The following PPP1R12B variants were observed in gnomAD, a reference collection of about 807,000 sequenced individuals.
PPP1R12B encodes the protein myosin phosphatase target subunit 2.
PPP1R12B carries 76 observed loss-of-function variants against 126.1 expected under a neutral mutation model. The observed-to-expected ratio is 0.60, with a 90% CI of 0.50 to 0.73. The LOEUF (loss-of-function observed/expected upper bound fraction) is 0.73, where lower values mean the gene tolerates loss of function less well. Ranked by LOEUF, PPP1R12B falls within the 30% of genes least tolerant of loss-of-function variation. The pLI is 0.00. For missense variants in PPP1R12B, 1,052 were observed against 1,205.1 expected (o/e 0.87, Z 1.88); for synonymous variants, 356 against 434.7 (o/e 0.82, Z 2.25).
intron 1 of PPP1R12B, among the ~76,000 whole-genome samples, chr1:202,407,327 G>A (rs1666760189): frequency 6.6e-6 from 1 of 152,184 alleles, no homozygotes; most frequent in African/African-American, 2.4e-5. Flanking sequence ...TTAATTGAAG[G>A]GAGATGTTCT....
intron 1 of PPP1R12B, among the ~76,000 whole-genome samples, chr1:202,376,505 G>A (rs1448260056): frequency 6.6e-6 from 1 of 152,168 alleles, no homozygotes; most frequent in Non-Finnish European, 1.5e-5. Context: ...CAAACTGAAA[G>A]TATAAATTGA....
intron 1 of PPP1R12B, among the ~76,000 whole-genome samples, chr1:202,407,608 A>G (rs1173022763): frequency 6.6e-6 from 1 of 152,168 alleles, no homozygotes; most frequent in Non-Finnish European, 1.5e-5. Flanking sequence ...GTCACCTGTC[A>G]TGTTGGAGCA....
intron 18 of PPP1R12B, among the ~76,000 whole-genome samples, chr1:202,515,866 G>A (rs1431901011): frequency 2.0e-5 from 3 of 152,134 alleles, no homozygotes; most frequent in Admixed American, 6.6e-5. Context: ...CGTAGTGTTG[G>A]TATATCCGAT....
intron 13 of PPP1R12B, among the ~76,000 whole-genome samples, chr1:202,477,730 G>A (rs149708269): frequency 6.6e-6 from 1 of 152,206 alleles, no homozygotes; most frequent in East Asian, 1.9e-4. Flanking sequence ...GTGTGAAGGG[G>A]CAGTATAAAC....
chr1:202,379,740 G>A (rs1661917334), intron 1 of PPP1R12B, among the ~76,000 whole-genome samples: 1 of 152,074 alleles, frequency 6.6e-6, no homozygotes, highest in Non-Finnish European at 1.5e-5. Flanking sequence ...CCAATCTAAT[G>A]ATATAACTTT....
intron 12 of PPP1R12B, among the ~76,000 whole-genome samples, chr1:202,446,208 A>G (rs1475322768): frequency 4.4e-5 from 5 of 113,188 alleles, no homozygotes; most frequent in Non-Finnish European, 9.4e-5. Context: ...TTACTATATT[A>G]TATTACTCTC....
chr1:202,482,553 C>T (rs1246002917), intron 13 of PPP1R12B, among the ~76,000 whole-genome samples: 1 of 152,116 alleles, frequency 6.6e-6, no homozygotes, highest in African/African-American at 2.4e-5. Flanking sequence ...AAGTAAATGT[C>T]TGTTAAGGTC....
intron 18 of PPP1R12B, among the ~76,000 whole-genome samples, chr1:202,550,224 C>A (rs2148983825): frequency 6.6e-6 from 1 of 152,234 alleles, no homozygotes; most frequent in African/African-American, 2.4e-5. Flanking sequence ...CTCACTAATT[C>A]CTTTGTAAAA....
chr1:202,490,721 T>C (rs545411147), intron 14 of PPP1R12B, among the ~76,000 whole-genome samples: 2 of 152,328 alleles, frequency 1.3e-5, no homozygotes, highest in South Asian at 2.1e-4. Context: ...TAGAATCATA[T>C]AGTAGTTGTC....
chr1:202,414,533 A>G (rs1667816005), intron 1 of PPP1R12B, among the ~76,000 whole-genome samples: 1 of 152,208 alleles, frequency 6.6e-6, no homozygotes, highest in South Asian at 2.1e-4. Flanking sequence ...CAGAAAAGTG[A>G]ATACTGGGAT....
At chr1:202,369,291 A>T (rs1276943411) in intron 1 of PPP1R12B, among the ~76,000 whole-genome samples, 1 of 152,250 alleles carries the variant, frequency 6.6e-6, no homozygotes, top group African/African-American at 2.4e-5. Flanking sequence ...GTTGAACACT[A>T]CGAATTAAGT....
At chr1:202,421,909 C>G (rs1668842135) in intron 2 of PPP1R12B, among the ~76,000 whole-genome samples, 1 of 152,112 alleles carries the variant, frequency 6.6e-6, no homozygotes, top group Non-Finnish European at 1.5e-5. Context: ...GAGAAAATTA[C>G]TTAATATGTA....
At chr1:202,467,542 A>C (rs1029705906) in intron 13 of PPP1R12B, among the ~76,000 whole-genome samples, 15 of 152,156 alleles carry the variant, frequency 9.9e-5, no homozygotes, top group Non-Finnish European at 4.4e-5. Flanking sequence ...CGTCCCTACA[A>C]AGGACATGAA....
chr1:202,476,986 A>G (rs1469278566), intron 13 of PPP1R12B, among the ~76,000 whole-genome samples: 2 of 152,160 alleles, frequency 1.3e-5, no homozygotes, highest in African/African-American at 2.4e-5. Flanking sequence ...AGGTAACCCT[A>G]TGAACCTTCA....
At chr1:202,563,640 A>AG (rs553574191) in intron 20 of PPP1R12B, among the ~76,000 whole-genome samples, 12 of 151,944 alleles carry the variant, frequency 7.9e-5, no homozygotes, top group African/African-American at 9.6e-5. Context: ...AAAAAAAAAA[A>AG]AAAAGAAAAG....
intron 13 of PPP1R12B, among the ~76,000 whole-genome samples, chr1:202,461,062 A>C (rs1674253222): frequency 6.6e-6 from 1 of 152,104 alleles, no homozygotes; most frequent in Admixed American, 6.6e-5. Context: ...TTGATTTAAG[A>C]GTTCCAGTTC....
chr1:202,554,578 G>A (rs912121305), intron 18 of PPP1R12B, among the ~76,000 whole-genome samples: 1 of 151,986 alleles, frequency 6.6e-6, no homozygotes, highest in Non-Finnish European at 1.5e-5. Context: ...AGCTCCAAAA[G>A]TCAGGTAAAA....
chr1:202,487,661 T>A (rs560518235), intron 13 of PPP1R12B, among the ~76,000 whole-genome samples: 92 of 151,840 alleles, frequency 6.1e-4, no homozygotes, highest in South Asian at 2.1e-3. Flanking sequence ...CAGGCTGGAG[T>A]GCAGTGGTGC....
At chr1:202,477,643 C>G (rs1676837814) in intron 13 of PPP1R12B, among the ~76,000 whole-genome samples, 1 of 152,132 alleles carries the variant, frequency 6.6e-6, no homozygotes, top group South Asian at 2.1e-4. Flanking sequence ...AATCATGGCT[C>G]ACTGCAGCCT....
Sources: gnomAD v4.1 joint callset for allele counts (sites outside exome capture counted in the v4.1 genomes callset) on GRCh38, gnomAD v4.1.1 for gene constraint, MANE v1.5 for transcripts, NCBI Gene and HGNC (gene_info 2026-07-23, HGNC 2026-07-21) for gene names.